The following TYK2 variants were observed in gnomAD, a reference collection of about 807,000 sequenced individuals.
TYK2 encodes the protein tyrosine kinase 2, also known as non-receptor tyrosine-protein kinase TYK2.
In TYK2, 65 loss-of-function variants were observed where a neutral mutation model predicts 130.9. The ratio of observed to expected loss-of-function variants is 0.50; its 90% CI spans 0.41 to 0.61. TYK2 has a LOEUF of 0.61. Among genes scored for constraint, TYK2 ranks in the 20% least tolerant of loss-of-function variants. The pLI is 0.00. For missense variants in TYK2, 1,378 were observed against 1,610.7 expected (o/e 0.86, Z 2.47); for synonymous variants, 647 against 658.9 (o/e 0.98, Z 0.28).
intron 17 of TYK2, chr19:10,357,065 G>A (rs2041137226): frequency 4.8e-6 from 2 of 417,812 alleles, no homozygotes; most frequent in African/African-American, 4.0e-5. Context: ...TCCTAGCCAG[G>A]CTTGTTGGCA....
intron 3 of TYK2, chr19:10,368,763 G>A (rs970876180): frequency 8.7e-6 from 3 of 346,732 alleles, no homozygotes; most frequent in Non-Finnish European, 1.7e-5. Flanking sequence ...AGATGGTGAA[G>A]CTGTAAGACA....
At position 10,368,038 on chromosome 19, in the gene TYK2, C is replaced by T. The variant is rs1320356065; in HGVS notation, c.465+17G>A. 6.2e-7 allele frequency: 1 copy of T among 1,613,946 alleles called. No homozygotes were observed. The highest frequency in any genetic ancestry group is 1.1e-5 in the South Asian group (1 of 91,062). ...AGTCTCCCACAAATAGTCTTGCCAC[C>T]CCAGCCCTGCTCATACCTGCTCAAA... On this transcript the variant is annotated intron_variant, in intron 5 of 24. Transcript: ENST00000525621.
intron 3 of TYK2, among the ~76,000 whole-genome samples, chr19:10,373,204 T>G (rs1204537738): frequency 6.6e-6 from 1 of 151,264 alleles, no homozygotes; most frequent in African/African-American, 2.4e-5. Flanking sequence ...GCCCGGCTAA[T>G]TTTTTGTATT....
In TYK2 at chr19:10,352,422, C is replaced by G. The variant is rs2040856964; in HGVS notation, c.3318+12G>C. The G allele has an allele frequency of 6.4e-7, 1 of 1,574,700 alleles. No individual in the cohort carries two copies. ...AGCAAACTCCCGGTGGGGCTGCGGG[C>G]CTGGCTCTCACCGTGGGGGGGCTCT... On this transcript the variant is annotated intron_variant, in intron 23 of 24. Coordinates refer to ENST00000525621, the MANE Select transcript of TYK2 (RefSeq NM_003331.5).
chr19:10,355,639 T>A (rs1599331960), intron 18 of TYK2, among the ~76,000 whole-genome samples: 3 of 68,908 alleles, frequency 4.4e-5, no homozygotes, highest in African/African-American at 6.0e-5. Context: ...AAACTCCATC[T>A]CAAAAAAAAA....
chr19:10,376,005 T>A (rs1351183603), intron 3 of TYK2, among the ~76,000 whole-genome samples: 1 of 150,324 alleles, frequency 6.7e-6, no homozygotes, highest in Non-Finnish European at 1.5e-5. Flanking sequence ...AAGCCTTTCT[T>A]TCTTTTTTTT....
Position 10,365,427 on chromosome 19 carries a change from G to A in TYK2, c.1011+90C>T, listed in dbSNP as rs2041612239. 2.5e-6 allele frequency: 4 copies of A among 1,583,186 alleles called. No homozygotes were observed. The Admixed American group carries it at 6.7e-5, about 26-fold the overall frequency. On this transcript the variant is annotated intron_variant, in intron 7 of 24. Transcript: ENST00000525621. ...CCATGTGGGGAGAGGGCTCAGGTCAGCCACCCTCAGAGGCTAGGGTCAAGG... is the reference window on the plus strand; with the variant it reads ...CCATGTGGGGAGAGGGCTCAGGTCAACCACCCTCAGAGGCTAGGGTCAAGG...
In TYK2 at chr19:10,357,900, G is replaced by C. The variant is rs1447231489; in HGVS notation, c.2330C>G (p.Pro777Arg). The C allele has an allele frequency of 1.2e-6, 2 of 1,613,580 alleles. No homozygotes were observed. Among genetic ancestry groups the C allele is most frequent in the South Asian group, 2.2e-5 (2 of 91,090 alleles). Reference protein sequence around the residue: ...LSREERVERIPWLAPECLPGG... With the variant: ...LSREERVERIRWLAPECLPGG... ...TGGTAGGCATTCGGGGGCCAGCCAG[G>C]GGATCCTCTCCACCCGCTCTGGGAG... is the stretch of plus-strand genomic sequence containing the variant. The change falls in exon 17 of 25, where the codon CCC becomes CGC. Residue 777 changes from proline (P) to arginine (R), a missense_variant. Pro to Arg is a moderately radical substitution (Grantham distance 103). Coordinates refer to ENST00000525621, the MANE Select transcript of TYK2 (RefSeq NM_003331.5).
chr19:10,360,690 ACAC>A (rs2041357398), intron 14 of TYK2, among the ~76,000 whole-genome samples: 1 of 151,466 alleles, frequency 6.6e-6, no homozygotes, highest in Non-Finnish European at 1.5e-5. Context: ...ACACACACAC[ACAC>A]AGGGGGGTTG....
At chr19:10,365,137 G>A in intron 7 of TYK2, 89 bp from the exon 8 acceptor site, 1 of 1,415,790 alleles carries the variant, frequency 7.1e-7, no homozygotes, top group Non-Finnish European at 9.4e-7. Flanking sequence ...ACTGGAGCCA[G>A]AAGGGCCAGG....
Position 10,361,664 on chromosome 19 carries a change from C to T in TYK2, c.1960-66G>A. The stretch of plus-strand genomic sequence containing the variant: ...CCTCCCATCCCACCTCCTCCACGGA[C>T]ACACCCCTCCCATCCCACCTCCTCC... On this transcript the variant is annotated intron_variant, in intron 13 of 24. Coordinates refer to ENST00000525621, the MANE Select transcript of TYK2 (RefSeq NM_003331.5). This position sits in a 1 kb window ranked among gnomAD's most constrained non-coding sequence, Gnocchi z 4.0. 1 of 1,572,766 alleles carries T rather than the reference C, an allele frequency of 6.4e-7. No individual in the cohort carries two copies. Among genetic ancestry groups the T allele is most frequent in the Non-Finnish European group, 8.6e-7 (1 of 1,160,430 alleles).
At chr19:10,368,496 C>T in intron 3 of TYK2, 78 bp from the exon 4 acceptor site, 3 of 1,604,892 alleles carry the variant, frequency 1.9e-6, no homozygotes, top group Non-Finnish European at 2.6e-6. Context: ...GACCCAATGT[C>T]TGCCTTCACA....
intron 6 of TYK2, 22 bp downstream of exon 6, chr19:10,366,395 T>A: frequency 6.2e-7 from 1 of 1,609,604 alleles, no homozygotes; most frequent in South Asian, 1.1e-5. Flanking sequence ...CTACACAGCG[T>A]CCCCACCCCA....
Position 10,366,013 on chromosome 19 carries a change from G to A in TYK2, c.630-115C>T, listed in dbSNP as rs2041648224. 5 of 1,150,822 alleles carry A rather than the reference G, an allele frequency of 4.3e-6. No homozygotes were observed. In the African/African-American group the frequency reaches 4.6e-5, roughly 11 times the overall value. The allele number at this position is 1,150,822 out of a possible 1,614,324, so 71.3% of individuals were successfully genotyped here. A position where few individuals can be genotyped will look rare whatever the true frequency, so the allele number is the denominator to read the frequency against. The stretch of plus-strand genomic sequence containing the variant: ...CCTCAGCTGCCTCATCTGGAAAACA[G>A]GCACACTAGCCAGGTGTGGTGACTT... On this transcript the variant is annotated intron_variant, in intron 6 of 24. Coordinates refer to ENST00000525621, the MANE Select transcript of TYK2 (RefSeq NM_003331.5).
rs530408184 is a variant in TYK2, at chr19:10,376,891, C to T, written c.193+1323G>A. ...TGCTGGGATTACAGGCATGAGCCAC[C>T]GCGCCCGGCCTGACTTTCTTTTTTT... On this transcript the variant is annotated intron_variant, in intron 3 of 24. Transcript: ENST00000525621. Among the ~76,000 whole-genome samples the T allele has an allele frequency of 1.7e-3, 260 of 152,006 alleles. 1 individual carries two copies. Among genetic ancestry groups the T allele is most frequent in the African/African-American group, 5.7e-3 (235 of 41,470 alleles).
In TYK2 at chr19:10,353,444, G is replaced by C; in HGVS notation, c.3027+84C>G. The C allele has an allele frequency of 4.1e-6, 4 of 969,096 alleles. No individual in the cohort carries two copies. Among genetic ancestry groups the C allele is most frequent in the Non-Finnish European group, 5.9e-6 (4 of 678,692 alleles). 60.0% of individuals were successfully genotyped at this position (969,096 alleles called of 1,614,324 possible). On this transcript the variant is annotated intron_variant, in intron 21 of 24. Coordinates refer to ENST00000525621, the MANE Select transcript of TYK2 (RefSeq NM_003331.5). The surrounding 1 kb of genome is among the most constrained non-coding windows in gnomAD (Gnocchi z 6.9). ...GCAAACGAGCAGGGGCGGAGCGTGA[G>C]AGCAGACTGCACCGGATCGCTCAGG...
At chr19:10,360,505 A>G (rs371096111) in intron 14 of TYK2, among the ~76,000 whole-genome samples, 1 of 152,066 alleles carries the variant, frequency 6.6e-6, no homozygotes, top group African/African-American at 2.4e-5. Context: ...CTCACAAAAA[A>G]AGAGATAAAG....
At chr19:10,373,540 A>G (rs1448925958) in intron 3 of TYK2, among the ~76,000 whole-genome samples, 1 of 152,098 alleles carries the variant, frequency 6.6e-6, no homozygotes, top group Non-Finnish European at 1.5e-5. Flanking sequence ...CATGTTGGCC[A>G]TGCTGGTCTC....
rs189471343 is a variant in TYK2 at position 10,361,828 on chromosome 19, C to G, written c.1901G>C (p.Gly634Ala). 1.4e-5 allele frequency: 22 copies of G among 1,613,886 alleles called. No homozygotes were observed. Among genetic ancestry groups the G allele is most frequent in the Non-Finnish European group, 1.9e-5 (22 of 1,179,996 alleles). ...TTTGAGCACCACTCGTAGCTCCTGC[C>G]CACGGTCCCTGCCAGGCACGAGGGG... is the stretch of plus-strand genomic sequence containing the variant. ...EDPLVPGRDR[G>A]QELRVVLKVL... is the part of the protein sequence containing the mutation. Residue 634 changes from glycine to alanine, a missense_variant, in exon 13 of 25, where the codon GGG (glycine) becomes GCG (alanine). Transcript: ENST00000525621. The surrounding 1 kb of genome is among the most constrained non-coding windows in gnomAD (Gnocchi z 4.0).
Sources: allele counts gnomAD v4.1 joint callset (sites outside exome capture counted in the v4.1 genomes callset), GRCh38; gene constraint gnomAD v4.1.1; non-coding constraint Gnocchi (gnomAD v3.1); transcripts MANE v1.5; gene names NCBI Gene and HGNC (gene_info 2026-07-23, HGNC 2026-07-21).